ESD: variants seen among roughly 807,000 people sequenced by gnomAD.
ESD encodes esterase D, also known as S-formylglutathione hydrolase.
A neutral mutation model predicts 38.1 loss-of-function variants in ESD; 34 were observed. That is an observed-to-expected ratio of 0.89 (90% CI 0.68 to 1.19). The LOEUF (loss-of-function observed/expected upper bound fraction) is 1.19, where lower values mean the gene tolerates loss of function less well. ESD is among the 50% of genes most tolerant of loss of function. ESD has a pLI of 0.00. For synonymous variants in ESD, 97 were observed against 107.0 expected (o/e 0.91, Z 0.58); for missense variants, 334 against 327.2 (o/e 1.02, Z -0.16).
intron 7 of ESD, 120 bp from the exon 8 acceptor site, chr13:46,780,153 T>C: frequency 1.6e-6 from 1 of 624,486 alleles, no homozygotes; most frequent in Non-Finnish European, 2.6e-6. Flanking sequence ...AATTCTGACT[T>C]GCCATGAAAA....
intron 4 of ESD, among the ~76,000 whole-genome samples, chr13:46,785,079 G>A (rs1875144431): frequency 6.6e-6 from 1 of 151,904 alleles, no homozygotes; most frequent in Non-Finnish European, 1.5e-5. Context: ...AATCATCTTT[G>A]TATTCTTCAC....
chr13:46,796,416 T>C (rs1566286359), intron 1 of ESD, among the ~76,000 whole-genome samples: 1 of 152,226 alleles, frequency 6.6e-6, no homozygotes, highest in Non-Finnish European at 1.5e-5. Context: ...AAAATGCTGC[T>C]TCTACCACAC....
chr13:46,794,246 G>A (rs1875500467), intron 1 of ESD, among the ~76,000 whole-genome samples: 1 of 152,110 alleles, frequency 6.6e-6, no homozygotes, highest in Non-Finnish European at 1.5e-5. Flanking sequence ...CCAAATGTTA[G>A]TGAACATCAA....
intron 1 of ESD, among the ~76,000 whole-genome samples, chr13:46,795,756 CTTTT>C (rs201133945): frequency 7.0e-6 from 1 of 143,372 alleles, no homozygotes; most frequent in Non-Finnish European, 1.5e-5. Context: ...TTTTTTTCTT[CTTTT>C]TTTTTTTTTT....
At chr13:46,793,958 A>G (rs1875481474) in intron 1 of ESD, among the ~76,000 whole-genome samples, 1 of 152,212 alleles carries the variant, frequency 6.6e-6, no homozygotes, top group Non-Finnish European at 1.5e-5. Flanking sequence ...CTTATGAACG[A>G]TGAAGTGACT....
chr13:46,776,302 A>G (rs1874795817), intron 9 of ESD: 1 of 152,204 alleles, frequency 6.6e-6, no homozygotes, highest in South Asian at 2.1e-4. Flanking sequence ...TGTGCAAAAT[A>G]TCCCTAAAAA....
At chr13:46,773,801 T>C (rs577486909) in intron 9 of ESD, among the ~76,000 whole-genome samples, 1 of 152,356 alleles carries the variant, frequency 6.6e-6, no homozygotes, top group East Asian at 1.9e-4. Context: ...CTTGGTGTCA[T>C]GTCTCTCAAT....
chr13:46,778,592 C>T (rs746444467), intron 8 of ESD, among the ~76,000 whole-genome samples: 16 of 151,764 alleles, frequency 1.1e-4, no homozygotes, highest in South Asian at 6.2e-4. Context: ...CCTTCACCCT[C>T]CAATTAGTTG....
rs867326612 is a variant in ESD, at chr13:46,791,399, C to G, written c.15G>C (p.Gln5His). The stretch of plus-strand genomic sequence containing the variant: ...CCCCAAAGCACTTGTTGCTGGAAAT[C>G]TGCTTCAATGCCATTCTTTTCCTAT... MALK[Q>H]ISSNKCFGGL... Residue 5 changes from glutamine (Q) to histidine (H), a missense_variant, in exon 3 of 10, where the codon CAG becomes CAC. By Grantham distance (24) the Gln-to-His change is conservative (BLOSUM62 0). Coordinates refer to ENST00000378720, the MANE Select transcript of ESD (RefSeq NM_001984.2). The G allele has an allele frequency of 1.9e-6, 3 of 1,612,836 alleles. No individual in the cohort carries two copies. The highest frequency in any genetic ancestry group is 2.7e-5 in the African/African-American group (2 of 75,032).
intron 5 of ESD, among the ~76,000 whole-genome samples, chr13:46,783,459 G>A (rs763939737): frequency 2.6e-5 from 4 of 151,908 alleles, no homozygotes; most frequent in East Asian, 1.9e-4. Flanking sequence ...TGACCTTGTC[G>A]TAAGATTCAT....
intron 3 of ESD, among the ~76,000 whole-genome samples, chr13:46,787,603 C>T (rs184750500): frequency 6.6e-6 from 1 of 151,970 alleles, no homozygotes; most frequent in East Asian, 1.9e-4. Flanking sequence ...AAACCACAGG[C>T]GTTTTTCCAG....
chr13:46,796,884 G>C (rs1875601973), intron 1 of ESD, among the ~76,000 whole-genome samples: 1 of 152,258 alleles, frequency 6.6e-6, no homozygotes, highest in African/African-American at 2.4e-5. Context: ...TGGAGGCTCA[G>C]AGAAGGAAAA....
intron 1 of ESD, among the ~76,000 whole-genome samples, chr13:46,794,113 G>A (rs539983217): frequency 6.6e-6 from 1 of 151,552 alleles, no homozygotes; most frequent in African/African-American, 2.4e-5. Context: ...ACAGAGTAGG[G>A]TGGAATACCA....
chr13:46,796,689 C>A (rs191414233), intron 1 of ESD, among the ~76,000 whole-genome samples: 1 of 152,258 alleles, frequency 6.6e-6, no homozygotes, highest in Non-Finnish European at 1.5e-5. Context: ...CACACTCCCC[C>A]GAACCAGGCG....
At chr13:46,774,604 T>C (rs1874722803) in intron 9 of ESD, among the ~76,000 whole-genome samples, 1 of 152,150 alleles carries the variant, frequency 6.6e-6, no homozygotes, top group Non-Finnish European at 1.5e-5. Context: ...AGTATAAAAA[T>C]AAATGAACAC....
chr13:46,783,186 T>TC, intron 5 of ESD, among the ~76,000 whole-genome samples: 1 of 152,026 alleles, frequency 6.6e-6, no homozygotes, highest in South Asian at 2.1e-4. Flanking sequence ...CTGATGACCC[T>TC]CTCTCACTAT....
chr13:46,771,511 G>GAT lies in ESD; in HGVS notation c.769-17_769-16dup, dbSNP rs1188564769. The GAT allele has an allele frequency of 4.7e-6, 7 of 1,483,432 alleles. No individual in the cohort carries two copies. In the South Asian group the frequency reaches 8.1e-5, roughly 17 times the overall value. The allele number at this position is 1,483,432 out of a possible 1,614,324, so 91.9% of individuals were successfully genotyped here. On this transcript the variant is annotated splice_polypyrimidine_tract_variant and intron_variant, in intron 9 of 9. Transcript: ENST00000378720. ...TGATCATAACCCTAGAAGATAAAGA[G>GAT]ATGATAAGACATTTATCTACCATTC... is the stretch of plus-strand genomic sequence containing the variant.
At chr13:46,777,683 T>C (rs1191300919) in intron 8 of ESD, 60 bp from the exon 9 acceptor site, 2 of 1,268,454 alleles carry the variant, frequency 1.6e-6, no homozygotes, top group South Asian at 2.0e-5. Flanking sequence ...GGATATACTA[T>C]ACTAGTACCA....
At chr13:46,793,715 G>GT (rs1020923270) in intron 1 of ESD, among the ~76,000 whole-genome samples, 1 of 152,122 alleles carries the variant, frequency 6.6e-6, no homozygotes. Flanking sequence ...TACTATGAAA[G>GT]TTTTTTATCT....
Sources: allele counts gnomAD v4.1 joint callset (sites outside exome capture counted in the v4.1 genomes callset), GRCh38; gene constraint gnomAD v4.1.1; transcripts MANE v1.5; gene names NCBI Gene and HGNC (gene_info 2026-07-23, HGNC 2026-07-21).